Variants in PAPPA2 observed in about 807,000 individuals in gnomAD.
PAPPA2 encodes pappalysin-2.
In PAPPA2, 86 loss-of-function variants were observed where a neutral mutation model predicts 176.4. That is an observed-to-expected ratio of 0.49 (90% CI 0.41 to 0.58). The LOEUF (loss-of-function observed/expected upper bound fraction) is 0.58. Among genes scored for constraint, PAPPA2 ranks in the 20% least tolerant of loss-of-function variants. PAPPA2 has a pLI of 0.00. For synonymous variants in PAPPA2, 809 were observed against 852.2 expected (o/e 0.95, Z 0.88); for missense variants, 2,073 against 2,256.9 (o/e 0.92, Z 1.65).
chr1:176,669,434 G>T (rs1658858268), intron 3 of PAPPA2, among the ~76,000 whole-genome samples: 1 of 151,922 alleles, frequency 6.6e-6, no homozygotes, highest in South Asian at 2.1e-4. Flanking sequence ...GGAAATTATA[G>T]TTATTTATAA....
intron 12 of PAPPA2, among the ~76,000 whole-genome samples, chr1:176,725,320 A>G (rs1050996689): frequency 6.6e-6 from 1 of 152,190 alleles, no homozygotes; most frequent in African/African-American, 2.4e-5. Flanking sequence ...TAGTGTGCTA[A>G]TATCTATTCT....
At chr1:176,481,823 G>A (rs1322371268) in intron 1 of PAPPA2, among the ~76,000 whole-genome samples, 2 of 152,024 alleles carry the variant, frequency 1.3e-5, no homozygotes, top group African/African-American at 4.8e-5. Flanking sequence ...TCCTGCCTCA[G>A]CCTCCTGAGT....
At chr1:176,659,854 C>T (rs956896552) in intron 3 of PAPPA2, among the ~76,000 whole-genome samples, 1 of 152,036 alleles carries the variant, frequency 6.6e-6, no homozygotes, top group Non-Finnish European at 1.5e-5. Flanking sequence ...TTCTTAACAA[C>T]TATAATTTGA....
At position 176,684,347 on chromosome 1, in the gene PAPPA2, G is replaced by A. The variant is rs532662094; in HGVS notation, c.2138-5790G>A. On this transcript the variant is annotated intron_variant, in intron 4 of 22. Transcript: ENST00000367662. ...TTCCTGGTCTTGTTATCAGTCCGTC[G>A]ACAGCCTTGCAGGATGGGCGTTGGG... 8.5e-5 allele frequency among the ~76,000 whole-genome samples: 13 copies of A among 152,230 alleles called. No homozygotes were observed. In the South Asian group the frequency reaches 1.0e-3, roughly 12 times the overall value.
intron 1 of PAPPA2, among the ~76,000 whole-genome samples, chr1:176,551,368 T>C (rs1650938563): frequency 6.6e-6 from 1 of 152,206 alleles, no homozygotes; most frequent in African/African-American, 2.4e-5. Context: ...CATTTGGTTG[T>C]GTTCTAGGAG....
At chr1:176,592,759 A>G (rs1057305412) in intron 2 of PAPPA2, among the ~76,000 whole-genome samples, 11 of 152,212 alleles carry the variant, frequency 7.2e-5, no homozygotes, top group African/African-American at 2.7e-4. Flanking sequence ...CAAATAGCTG[A>G]TAGATTAGTA....
intron 3 of PAPPA2, among the ~76,000 whole-genome samples, chr1:176,653,496 G>T (rs1017226626): frequency 2.6e-5 from 4 of 151,736 alleles, no homozygotes; most frequent in Non-Finnish European, 5.9e-5. Context: ...GATCTCCCCT[G>T]CTGGGCTTTG....
chr1:176,702,740 G>T lies in PAPPA2; in HGVS notation c.3365+5G>T. The stretch of plus-strand genomic sequence containing the variant: ...TGGAGATGGGAAGGTGTCAGAGTGA[G>T]TATTTTGTGTGTGTGTGTGTGTGTG... On this transcript the variant is annotated splice_donor_5th_base_variant and intron_variant, in intron 9 of 22. Transcript: ENST00000367662. 3.9e-6 allele frequency: 6 copies of T among 1,520,648 alleles called. No individual in the cohort carries two copies. The highest frequency in any genetic ancestry group is 4.5e-6 in the Non-Finnish European group (5 of 1,115,848). The allele number at this position is 1,520,648 out of a possible 1,614,324, so 94.2% of individuals were successfully genotyped here. A position where few individuals can be genotyped will look rare whatever the true frequency, so the allele number is the denominator to read the frequency against.
intron 1 of PAPPA2, among the ~76,000 whole-genome samples, chr1:176,542,220 A>T (rs1280752167): frequency 6.6e-6 from 1 of 152,224 alleles, no homozygotes; most frequent in Admixed American, 6.5e-5. Flanking sequence ...ATTTGCCATA[A>T]AAATGGGATT....
chr1:176,575,918 A>G (rs1475900279), intron 2 of PAPPA2, among the ~76,000 whole-genome samples: 1 of 152,190 alleles, frequency 6.6e-6, no homozygotes, highest in African/African-American at 2.4e-5. Context: ...TTGTTTTCTA[A>G]TAAGTAGGCT....
chr1:176,640,751 T>C (rs1414758953), intron 3 of PAPPA2, among the ~76,000 whole-genome samples: 14 of 151,346 alleles, frequency 9.3e-5, no homozygotes, highest in African/African-American at 2.2e-4. Context: ...TCTAGATCCC[T>C]GAGGAATCGC....
chr1:176,530,176 G>A (rs1463370386), intron 1 of PAPPA2, among the ~76,000 whole-genome samples: 1 of 152,166 alleles, frequency 6.6e-6, no homozygotes, highest in East Asian at 1.9e-4. Flanking sequence ...TACAGTCCCA[G>A]GGAGACATGA....
chr1:176,739,611 T>C lies in PAPPA2; in HGVS notation c.3799-15T>C. ...ATGGAAATAATGACTTATACATAAA[T>C]GTGCTTATGCTTAGGTGTGTTTCAA... On this transcript the variant is annotated splice_polypyrimidine_tract_variant and intron_variant, in intron 12 of 22. Transcript: ENST00000367662. 1 of 1,608,796 alleles carries C rather than the reference T, an allele frequency of 6.2e-7. No individual in the cohort carries two copies. The highest frequency in any genetic ancestry group is 8.5e-7 in the Non-Finnish European group (1 of 1,177,000).
At chr1:176,663,710 A>G (rs1474965190) in intron 3 of PAPPA2, among the ~76,000 whole-genome samples, 3 of 152,116 alleles carry the variant, frequency 2.0e-5, no homozygotes, top group Non-Finnish European at 4.4e-5. Flanking sequence ...TGCCTTGCCA[A>G]TGCCACATAG....
intron 14 of PAPPA2, among the ~76,000 whole-genome samples, chr1:176,749,172 C>A (rs1055267173): frequency 1.4e-5 from 2 of 140,106 alleles, no homozygotes; most frequent in Non-Finnish European, 3.1e-5. Flanking sequence ...ACAAGACAGT[C>A]GAAAAAGGTT....
rs746341817 is a variant in PAPPA2 at position 176,692,271 on chromosome 1, C to T, written c.2577C>T (p.Ser859=). 2.5e-6 allele frequency: 4 copies of T among 1,613,880 alleles called. No homozygotes were observed. In the African/African-American group the frequency reaches 4.0e-5, roughly 16 times the overall value. ...TGGTCATCGGACAGACCAACAAGTC[C>T]CTCACTATCCACTGGCTGCCTCCTA... ...PPMVIGQTNK[S]LTIHWLPPIS... The change falls in exon 6 of 23, where the codon TCC becomes TCT. Residue 859 remains serine (S), a synonymous_variant. Transcript: ENST00000367662.
intron 1 of PAPPA2, among the ~76,000 whole-genome samples, chr1:176,480,243 A>C (rs1438801860): frequency 6.6e-6 from 1 of 152,166 alleles, no homozygotes; most frequent in Non-Finnish European, 1.5e-5. Context: ...AACAGTCTCC[A>C]AGAAGTCTCT....
intron 16 of PAPPA2, among the ~76,000 whole-genome samples, chr1:176,770,446 G>A (rs981014242): frequency 6.6e-6 from 1 of 152,140 alleles, no homozygotes; most frequent in Non-Finnish European, 1.5e-5. Flanking sequence ...TTCAAACCGT[G>A]ATTCTGCCCC....
intron 3 of PAPPA2, among the ~76,000 whole-genome samples, chr1:176,651,262 G>GT (rs201390410): frequency 1.1e-4 from 17 of 148,374 alleles, no homozygotes; most frequent in East Asian, 6.0e-4. Context: ...GCATATTAGT[G>GT]TTTTTTTTTC....
Sources: gnomAD v4.1 joint callset for allele counts (sites outside exome capture counted in the v4.1 genomes callset) on GRCh38, gnomAD v4.1.1 for gene constraint, MANE v1.5 for transcripts, NCBI Gene and HGNC (gene_info 2026-07-23, HGNC 2026-07-21) for gene names.